Variants in PTPN13 observed in about 807,000 individuals in gnomAD.
PTPN13 encodes protein tyrosine phosphatase non-receptor type 13.
PTPN13 carries 191 observed loss-of-function variants against 284.0 expected under a neutral mutation model. That is an observed-to-expected ratio of 0.67 (90% CI 0.60 to 0.76). The LOEUF (loss-of-function observed/expected upper bound fraction) is 0.76. Among genes scored for constraint, PTPN13 ranks in the 30% least tolerant of loss-of-function variants. The pLI, the probability that PTPN13 is intolerant of heterozygous loss-of-function variation, is 0.00. For missense variants in PTPN13, 2,797 were observed against 2,939.9 expected (o/e 0.95, Z 1.12); for synonymous variants, 986 against 1,022.3 (o/e 0.96, Z 0.68).
At chr4:86,765,881 G>A (rs1212782977) in intron 26 of PTPN13, among the ~76,000 whole-genome samples, 2 of 151,814 alleles carry the variant, frequency 1.3e-5, no homozygotes, top group East Asian at 3.9e-4. Context: ...AGGCTGGAGT[G>A]CAGTGGTGCG....
chr4:86,759,811 T>G (rs1738456011), intron 23 of PTPN13, among the ~76,000 whole-genome samples: 1 of 152,190 alleles, frequency 6.6e-6, no homozygotes, highest in Non-Finnish European at 1.5e-5. Context: ...AGATAATACA[T>G]GTAAAGAATG....
intron 1 of PTPN13, among the ~76,000 whole-genome samples, chr4:86,621,579 A>G (rs1721254980): frequency 6.6e-6 from 1 of 152,166 alleles, no homozygotes; most frequent in African/African-American, 2.4e-5. Context: ...TACAGTTTTT[A>G]TTTATCCCAC....
chr4:86,694,085 TATC>T (rs1471967908), intron 6 of PTPN13, among the ~76,000 whole-genome samples: 2 of 151,852 alleles, frequency 1.3e-5, no homozygotes. Context: ...TGATATTTTT[TATC>T]ATATTTCTTT....
chr4:86,801,152 A>G (rs1167687361), intron 42 of PTPN13, among the ~76,000 whole-genome samples: 3 of 152,242 alleles, frequency 2.0e-5, no homozygotes, highest in African/African-American at 7.2e-5. Context: ...CAGGTACTAA[A>G]TTAGACCCAT....
intron 9 of PTPN13, among the ~76,000 whole-genome samples, chr4:86,718,010 T>A (rs571921682): frequency 6.6e-6 from 1 of 152,290 alleles, no homozygotes; most frequent in Non-Finnish European, 1.5e-5. Context: ...TGTGCTCAGC[T>A]TAGGATGGTG....
intron 7 of PTPN13, among the ~76,000 whole-genome samples, chr4:86,713,195 T>C (rs1732632972): frequency 6.6e-6 from 1 of 152,164 alleles, no homozygotes; most frequent in African/African-American, 2.4e-5. Flanking sequence ...GATTTGGTTC[T>C]TATCCATGGC....
In PTPN13 at chr4:86,772,959, G is replaced by T; in HGVS notation, c.5349+1G>T. 6.4e-7 allele frequency: 1 copy of T among 1,561,834 alleles called. No individual in the cohort carries two copies. The highest frequency in any genetic ancestry group is 8.7e-7 in the Non-Finnish European group (1 of 1,154,498). Reference sequence around the variant, plus strand: ...AAATCACCTTGAAGACTTTGAACTGGTAAGTTGTTTTCTCTATATTTAAAA... The same window carrying T: ...AAATCACCTTGAAGACTTTGAACTGTTAAGTTGTTTTCTCTATATTTAAAA... On this transcript the variant is annotated splice_donor_variant, in intron 32 of 47. Coordinates refer to ENST00000411767, the MANE Select transcript of PTPN13 (RefSeq NM_080683.3). LOFTEE classifies it high-confidence loss of function.
At position 86,774,364 on chromosome 4, in the gene PTPN13, T is replaced by C. The variant is rs1740359620; in HGVS notation, c.5350-9T>C. The C allele has an allele frequency of 1.3e-6, 2 of 1,599,490 alleles. No homozygotes were observed. The highest frequency in any genetic ancestry group is 4.5e-5 in the East Asian group (2 of 44,676). ...ACAACCTAAAAGTATTACTGCTTTTTTCCCTTAGGAAGTAGAACTCCTCAT... is the reference window on the plus strand; with the variant it reads ...ACAACCTAAAAGTATTACTGCTTTTCTCCCTTAGGAAGTAGAACTCCTCAT... On this transcript the variant is annotated splice_polypyrimidine_tract_variant and intron_variant, in intron 32 of 47. Coordinates refer to ENST00000411767, the MANE Select transcript of PTPN13 (RefSeq NM_080683.3).
At chr4:86,720,682 CT>C (rs1733554408) in intron 9 of PTPN13, among the ~76,000 whole-genome samples, 1 of 152,072 alleles carries the variant, frequency 6.6e-6, no homozygotes, top group African/African-American at 2.4e-5. Flanking sequence ...GTCTTGTTTT[CT>C]TCTTTAGGTC....
intron 2 of PTPN13, among the ~76,000 whole-genome samples, chr4:86,645,587 T>A (rs1724327067): frequency 6.6e-6 from 1 of 151,956 alleles, no homozygotes; most frequent in South Asian, 2.1e-4. Context: ...AAGTAAAATA[T>A]GGAATACAAA....
At chr4:86,633,228 C>G (rs954993310) in intron 1 of PTPN13, among the ~76,000 whole-genome samples, 7 of 152,160 alleles carry the variant, frequency 4.6e-5, no homozygotes, top group Non-Finnish European at 8.8e-5. Context: ...AGCTGGCCCT[C>G]TGTGTGGCCG....
At chr4:86,604,578 G>T (rs1310397157) in intron 1 of PTPN13, among the ~76,000 whole-genome samples, 1 of 151,840 alleles carries the variant, frequency 6.6e-6, no homozygotes, top group Middle Eastern at 3.2e-3. Context: ...AGACTAAAAT[G>T]GTTGACATTT....
intron 10 of PTPN13, among the ~76,000 whole-genome samples, chr4:86,728,693 G>C (rs1296346866): frequency 2.0e-5 from 1 of 50,352 alleles, no homozygotes; most frequent in African/African-American, 8.1e-5. Context: ...CCATTTGCTT[G>C]GTAGATCTTC....
intron 2 of PTPN13, chr4:86,661,092 A>G (rs1344796706): frequency 2.2e-6 from 1 of 453,940 alleles, no homozygotes; most frequent in Non-Finnish European, 4.4e-6. Flanking sequence ...TACAATTACC[A>G]CCCAGATTCA....
intron 23 of PTPN13, among the ~76,000 whole-genome samples, chr4:86,762,526 A>G (rs1738814517): frequency 2.6e-5 from 4 of 152,198 alleles, no homozygotes; most frequent in Admixed American, 2.6e-4. Flanking sequence ...GTTAAGGTGA[A>G]AGGGGTATGC....
intron 3 of PTPN13, among the ~76,000 whole-genome samples, chr4:86,673,036 A>T (rs2148895707): frequency 6.6e-6 from 1 of 152,186 alleles, no homozygotes; most frequent in East Asian, 1.9e-4. Context: ...TCACATGTGC[A>T]GTTCATAATA....
chr4:86,615,630 C>A (rs1173242331), intron 1 of PTPN13, among the ~76,000 whole-genome samples: 1 of 152,108 alleles, frequency 6.6e-6, no homozygotes, highest in African/African-American at 2.4e-5. Context: ...AGGAAAATCC[C>A]TATGACATCC....
intron 2 of PTPN13, among the ~76,000 whole-genome samples, chr4:86,652,090 C>G (rs1453673840): frequency 6.6e-6 from 1 of 152,066 alleles, no homozygotes; most frequent in African/African-American, 2.4e-5. Flanking sequence ...GATGAACCAT[C>G]TGTTAAAAAC....
chr4:86,703,675 T>A (rs1206402893), intron 7 of PTPN13, among the ~76,000 whole-genome samples: 2 of 152,056 alleles, frequency 1.3e-5, no homozygotes, highest in Non-Finnish European at 2.9e-5. Flanking sequence ...AAGACCAGTC[T>A]GGGCAATATA....
Sources: gnomAD v4.1 joint callset for allele counts (sites outside exome capture counted in the v4.1 genomes callset) on GRCh38, gnomAD v4.1.1 for gene constraint, MANE v1.5 for transcripts, NCBI Gene and HGNC (gene_info 2026-07-23, HGNC 2026-07-21) for gene names.